Variants in SNX29 observed in about 807,000 individuals in gnomAD.
The protein encoded by SNX29 is sorting nexin-29.
SNX29 carries 78 observed loss-of-function variants against 102.1 expected under a neutral mutation model. That is an observed-to-expected ratio of 0.76 (90% confidence interval 0.64 to 0.92). The LOEUF (loss-of-function observed/expected upper bound fraction) is 0.92, where lower values mean the gene tolerates loss of function less well. SNX29 is among the 40% of genes least tolerant of loss of function. The probability of loss-of-function intolerance (pLI) is 0.00; values close to 1 mark genes in which losing one functional copy is unlikely to be tolerated. For synonymous variants in SNX29, 580 were observed against 414.5 expected, an observed-to-expected ratio of 1.40 and a Z score of -4.85; for missense variants, 1,280 against 1,061.7, an observed-to-expected ratio of 1.21 and a Z score of -2.86.
intron 15 of SNX29, among the ~76,000 whole-genome samples, chr16:12,295,445 C>G (rs2079948647): frequency 6.6e-6 from 1 of 152,242 alleles, no homozygotes; most frequent in Admixed American, 6.5e-5. Context: ...ACAACTCTCA[C>G]AACTTCCTTT....
chr16:12,261,898 A>G (rs867235959), intron 14 of SNX29, among the ~76,000 whole-genome samples: 20 of 105,362 alleles, frequency 1.9e-4, no homozygotes, highest in African/African-American at 3.8e-4. Context: ...GGGTCTGTGC[A>G]TGCGTCCCCG....
chr16:12,232,663 C>G (rs962679573), intron 14 of SNX29, among the ~76,000 whole-genome samples: 2 of 152,160 alleles, frequency 1.3e-5, no homozygotes, highest in African/African-American at 4.8e-5. Flanking sequence ...GAGTGTGATT[C>G]TCCCCAAAGC....
At chr16:12,064,766 T>TGCCC (rs1363945803) in intron 9 of SNX29, among the ~76,000 whole-genome samples, 1 of 152,242 alleles carries the variant, frequency 6.6e-6, no homozygotes, top group Non-Finnish European at 1.5e-5. Context: ...TCTGCCTGCC[T>TGCCC]GCCCAGGTGG....
Position 12,129,657 on chromosome 16 carries a change from G to A in SNX29, c.1494G>A (p.Glu498=), listed in dbSNP as rs1173489197. ...NRSLRNLLDG[E]MEHSAALRQE... ...CACTGCGAAACCTGCTCGACGGTGA[G>A]ATGGAGCACTCAGCCGCGCTCCGGC... Residue 498 remains glutamate (E), a synonymous_variant, in exon 13 of 21, where the codon GAG becomes GAA. Transcript: ENST00000566228. 4 of 1,611,268 alleles carry A rather than the reference G, an allele frequency of 2.5e-6. No homozygotes were observed. The highest frequency in any genetic ancestry group is 2.5e-6 in the Non-Finnish European group (3 of 1,179,568).
At chr16:11,997,175 T>C (rs1400409166) in intron 1 of SNX29, among the ~76,000 whole-genome samples, 2 of 152,204 alleles carry the variant, frequency 1.3e-5, no homozygotes, top group Non-Finnish European at 1.5e-5. Context: ...TCCACTTTTT[T>C]GCTTTTTGCT....
intron 11 of SNX29, among the ~76,000 whole-genome samples, chr16:12,111,933 A>G (rs2053517435): frequency 6.6e-6 from 1 of 152,160 alleles, no homozygotes; most frequent in South Asian, 2.1e-4. Flanking sequence ...CTCACTGCAT[A>G]GCAGTGAAAT....
intron 20 of SNX29, among the ~76,000 whole-genome samples, chr16:12,536,859 G>C (rs4641731): frequency 0.45 from 68,330 of 151,858 alleles, 16,064 homozygotes; most frequent in East Asian, 0.75. Context: ...ACCTGTAATT[G>C]TAGCTACTTG....
At chr16:12,566,082 C>T (rs1225042959) in intron 20 of SNX29, among the ~76,000 whole-genome samples, 1 of 152,160 alleles carries the variant, frequency 6.6e-6, no homozygotes, top group African/African-American at 2.4e-5. Flanking sequence ...GGCACTTGAT[C>T]CCCATGATGC....
At chr16:12,453,800 T>C (rs1295197152) in intron 18 of SNX29, among the ~76,000 whole-genome samples, 2 of 152,228 alleles carry the variant, frequency 1.3e-5, no homozygotes, top group Non-Finnish European at 2.9e-5. Flanking sequence ...CTGTATTTGT[T>C]TGAGTCCTCA....
At chr16:12,195,258 T>A (rs1310374252) in intron 13 of SNX29, among the ~76,000 whole-genome samples, 6 of 152,256 alleles carry the variant, frequency 3.9e-5, no homozygotes, top group Admixed American at 1.3e-4. Flanking sequence ...TATAGGAGGA[T>A]GCACCATAAC....
At position 12,554,116 on chromosome 16, in the gene SNX29, C is replaced by A. The variant is rs539367566; in HGVS notation, c.2319-14390C>A. 3.0e-4 allele frequency among the ~76,000 whole-genome samples: 46 copies of A among 152,362 alleles called. 1 individual carries two copies. The highest frequency in any genetic ancestry group is 1.9e-4 in the East Asian group (1 of 5,186). ...CACTTGGGATTACAGGTCTAAGCCA[C>A]CATGCCCAGCCTGGATGCTTTGCTC... On this transcript the variant is annotated intron_variant, in intron 20 of 20. Coordinates refer to ENST00000566228, the MANE Select transcript of SNX29 (RefSeq NM_032167.5).
chr16:12,452,695 G>A (rs746278174), intron 18 of SNX29, among the ~76,000 whole-genome samples: 83 of 152,084 alleles, frequency 5.5e-4, no homozygotes, highest in Non-Finnish European at 1.0e-3. Flanking sequence ...GCTTGCATCT[G>A]TGACTGCCAG....
At chr16:12,284,100 T>C (rs551135866) in intron 15 of SNX29, among the ~76,000 whole-genome samples, 1 of 152,346 alleles carries the variant, frequency 6.6e-6, no homozygotes, top group African/African-American at 2.4e-5. Flanking sequence ...TCTTCAGAGA[T>C]GTTCTATTCT....
chr16:12,018,746 C>CTT lies in SNX29; in HGVS notation c.123-8561_123-8560dup, dbSNP rs79506419. Among the ~76,000 whole-genome samples, 1,012 of 135,552 alleles carry CTT rather than the reference C, an allele frequency of 7.5e-3. 9 individuals are homozygous for CTT. Among genetic ancestry groups the CTT allele is most frequent in the African/African-American group, 0.026 (950 of 37,184 alleles). The allele number at this position is 135,552 out of a possible 152,430, so 88.9% of individuals were successfully genotyped here. On this transcript the variant is annotated intron_variant, in intron 3 of 20. Transcript: ENST00000566228. ...TATTATCTTTTACACTTTTTTTTGT[C>CTT]TTTTTTTTTTTTTTCCTTTTTGTGG...
At chr16:12,486,787 C>T (rs2088263559) in intron 19 of SNX29, among the ~76,000 whole-genome samples, 1 of 152,218 alleles carries the variant, frequency 6.6e-6, no homozygotes, top group Admixed American at 6.5e-5. Context: ...CGCCCACACC[C>T]ACCGCTCCAC....
intron 15 of SNX29, among the ~76,000 whole-genome samples, chr16:12,327,195 G>C (rs1373099456): frequency 6.6e-6 from 1 of 152,052 alleles, no homozygotes; most frequent in East Asian, 1.9e-4. Context: ...TTACTGTCTT[G>C]GTCAGTATCA....
At chr16:12,211,810 A>G (rs1207778131) in intron 14 of SNX29, among the ~76,000 whole-genome samples, 1 of 152,062 alleles carries the variant, frequency 6.6e-6, no homozygotes, top group African/African-American at 2.4e-5. Context: ...AGCTGATTGG[A>G]TGAGGCCCAC....
At chr16:12,540,898 C>G (rs561661503) in intron 20 of SNX29, among the ~76,000 whole-genome samples, 6 of 152,326 alleles carry the variant, frequency 3.9e-5, no homozygotes, top group African/African-American at 1.4e-4. Context: ...AGCTGGAGGG[C>G]TTCTCTGACA....
chr16:12,509,831 G>A (rs1294625515), intron 19 of SNX29, among the ~76,000 whole-genome samples: 1 of 152,172 alleles, frequency 6.6e-6, no homozygotes, highest in Non-Finnish European at 1.5e-5. Context: ...CCAGCTCCTG[G>A]CATGCTGTCC....
Sources: allele counts gnomAD v4.1 joint callset (sites outside exome capture counted in the v4.1 genomes callset), GRCh38; gene constraint gnomAD v4.1.1; transcripts MANE v1.5; gene names NCBI Gene and HGNC (gene_info 2026-07-23, HGNC 2026-07-21).